Variants in PNN observed in about 807,000 individuals in gnomAD.
PNN encodes pinin, desmosome associated protein.
A neutral mutation model predicts 76.6 loss-of-function variants in PNN; 38 were observed. The ratio of observed to expected loss-of-function variants is 0.50; its 90% CI spans 0.38 to 0.65. PNN has a LOEUF of 0.65. Among genes scored for constraint, PNN ranks in the 30% least tolerant of loss-of-function variants. The pLI is 0.00. For synonymous variants in PNN, 366 were observed against 283.7 expected, an observed-to-expected ratio of 1.29 and a Z score of -2.91; for missense variants, 873 against 874.1, an observed-to-expected ratio of 1.00 and a Z score of 0.02.
rs1253061092 is a variant in PNN at position 39,180,813 on chromosome 14, G to A, written c.1104G>A (p.Glu368=). 1.9e-6 allele frequency: 3 copies of A among 1,613,570 alleles called. No homozygotes were observed. Among genetic ancestry groups the A allele is most frequent in the Non-Finnish European group, 2.5e-6 (3 of 1,179,788 alleles). Residue 368 remains glutamate (E), a synonymous_variant, in exon 9 of 9, where the codon GAG becomes GAA. Coordinates refer to ENST00000216832, the MANE Select transcript of PNN (RefSeq NM_002687.4). The stretch of plus-strand genomic sequence containing the variant: ...AGGAAATGGAGGTTAAGATGGAGGA[G>A]GAAACTGAGGTAAGGGAAAGTGAGA... ...QKQEMEVKME[E]ETEVRESEKQ...
At chr14:39,179,019 C>A in intron 6 of PNN, 72 bp from the exon 7 acceptor site, 1 of 1,384,756 alleles carries the variant, frequency 7.2e-7, no homozygotes, top group Non-Finnish European at 9.9e-7. Flanking sequence ...CATAATTGAA[C>A]TGAAATCATA....
At chr14:39,175,458 G>C in intron 1 of PNN, 66 bp downstream of exon 1, 1 of 1,000,972 alleles carries the variant, frequency 1.0e-6, no homozygotes, top group Non-Finnish European at 1.6e-6. Flanking sequence ...GGGGTGAATT[G>C]GGGGCGGGGA....
rs1275897533 is a variant in PNN at position 39,182,771 on chromosome 14, T to C, written c.*908T>C. 6.5e-6 allele frequency: 1 copy of C among 152,696 alleles called. No individual in the cohort carries two copies. Among genetic ancestry groups the C allele is most frequent in the Non-Finnish European group, 1.5e-5 (1 of 68,046 alleles). The allele number at this position is 152,696 out of a possible 1,614,324, so 9.5% of individuals were successfully genotyped here. ...AAGAATTTTGTTTAAGGAAGTATTG[T>C]ATGGAAGTCCACAAAATGAAGGAAG... On this transcript the variant is annotated 3_prime_UTR_variant, in exon 9 of 9. Transcript: ENST00000216832.
chr14:39,178,421 A>C (rs1267490787), intron 6 of PNN, among the ~76,000 whole-genome samples: 12 of 152,142 alleles, frequency 7.9e-5, no homozygotes, highest in Admixed American at 4.6e-4. Flanking sequence ...ATCCCCAGCT[A>C]TTTGGGAGGC....
chr14:39,181,594 A>G lies in PNN; in HGVS notation c.1885A>G (p.Ser629Gly). ...RDSSSSTSSS[S>G]ESRSRSRGRG... ...TAGTAGCAGTAGCACTAGTAGTAGTAGTGAGAGTAGAAGTCGGAGTAGGGG... is the reference window on the plus strand; with the variant it reads ...TAGTAGCAGTAGCACTAGTAGTAGTGGTGAGAGTAGAAGTCGGAGTAGGGG... Residue 629 changes from serine to glycine, a missense_variant, in exon 9 of 9, where the codon AGT becomes GGT. Ser to Gly is a moderately conservative substitution (Grantham distance 56). Around this residue, in one of 3 missense-constraint regions of PNN, gnomAD observed 712 missense variants for 693.1 expected, o/e 1.03. Coordinates refer to ENST00000216832, the MANE Select transcript of PNN (RefSeq NM_002687.4). 1 of 1,613,964 alleles carries G rather than the reference A, an allele frequency of 6.2e-7. No homozygotes were observed. The highest frequency in any genetic ancestry group is 8.5e-7 in the Non-Finnish European group (1 of 1,179,910).
In PNN at chr14:39,179,337, A is replaced by G; in HGVS notation, c.668A>G (p.Asn223Ser). 1.2e-6 allele frequency: 2 copies of G among 1,610,666 alleles called. No individual in the cohort carries two copies. Among genetic ancestry groups the G allele is most frequent in the Non-Finnish European group, 1.7e-6 (2 of 1,178,994 alleles). Residue 223 changes from asparagine to serine, a missense_variant, in exon 8 of 9, where the codon AAT becomes AGT. Asn to Ser is a conservative substitution (Grantham distance 46). Around this residue, in one of 3 missense-constraint regions of PNN, gnomAD observed 712 missense variants for 693.1 expected, o/e 1.03. Transcript: ENST00000216832. ...CCTTTTCTTTAGCAAGAAGAATGGA[A>G]TGAACATAATGCCAAAATAATTAAA... Reference protein sequence around the residue: ...VELAQLQEEWNEHNAKIIKYI... With the variant: ...VELAQLQEEWSEHNAKIIKYI...
Position 39,177,433 on chromosome 14 carries a change from C to T in PNN, c.276C>T (p.Thr92=), listed in dbSNP as rs1420242471. The change falls in exon 4 of 9, where the codon ACC becomes ACT. Residue 92 remains threonine, a synonymous_variant. Coordinates refer to ENST00000216832, the MANE Select transcript of PNN (RefSeq NM_002687.4). ...AVSRLGGERR[T]RRESRQESDP... ...ACAGGCTGGGCGGGGAGCGTCGGAC[C>T]AGAAGAGAATCACGCCAGGAAAGCG... 11 of 1,613,772 alleles carry T rather than the reference C, an allele frequency of 6.8e-6. No homozygotes were observed. Among genetic ancestry groups the T allele is most frequent in the Non-Finnish European group, 7.6e-6 (9 of 1,179,890 alleles).
chr14:39,182,733 G>A lies in PNN; in HGVS notation c.*870G>A, dbSNP rs976050360. On this transcript the variant is annotated 3_prime_UTR_variant, in exon 9 of 9. Coordinates refer to ENST00000216832, the MANE Select transcript of PNN (RefSeq NM_002687.4). ...GTGTTGGCTCTAACTTAAACATGCT[G>A]ATATGTGTTTTCAAGAATTTTGTTT... is the stretch of plus-strand genomic sequence containing the variant. The A allele has an allele frequency of 2.0e-5, 3 of 152,630 alleles. No individual in the cohort carries two copies. The highest frequency in any genetic ancestry group is 7.2e-5 in the African/African-American group (3 of 41,460). 9.5% of individuals were successfully genotyped at this position (152,630 alleles called of 1,614,324 possible). A position where few individuals can be genotyped will look rare whatever the true frequency, so the allele number is the denominator to read the frequency against.
In PNN at chr14:39,180,846, G is replaced by T; in HGVS notation, c.1137G>T (p.Gln379His). The change falls in exon 9 of 9, where the codon CAG (glutamine) becomes CAT (histidine). Residue 379 changes from glutamine (Q) to histidine (H), a missense_variant. Physicochemically the swap from Gln to His is conservative, Grantham distance 24. Around this residue, in one of 3 missense-constraint regions of PNN, gnomAD observed 712 missense variants for 693.1 expected, o/e 1.03. Transcript: ENST00000216832. ...AGGTAAGGGAAAGTGAGAAGCAGCA[G>T]GATAGTCAGCCTGAAGAAGTTATGG... ...ETEVRESEKQ[Q>H]DSQPEEVMDV... 1 of 1,614,134 alleles carries T rather than the reference G, an allele frequency of 6.2e-7. No individual in the cohort carries two copies. The highest frequency in any genetic ancestry group is 8.5e-7 in the Non-Finnish European group (1 of 1,180,018).
chr14:39,181,113 C>T lies in PNN; in HGVS notation c.1404C>T (p.Pro468=), dbSNP rs1041128787. The T allele has an allele frequency of 1.2e-6, 2 of 1,612,938 alleles. No homozygotes were observed. The highest frequency in any genetic ancestry group is 1.1e-5 in the South Asian group (1 of 91,006). ...SEEKEEKESE[P]QPEPVAQPQP... is the part of the protein sequence containing the mutation. ...AAAAAGAAGAAAAAGAATCTGAGCCCCAACCTGAGCCTGTGGCTCAACCTC... is the reference window on the plus strand; with the variant it reads ...AAAAAGAAGAAAAAGAATCTGAGCCTCAACCTGAGCCTGTGGCTCAACCTC... The change falls in exon 9 of 9, where the codon CCC becomes CCT. Residue 468 remains proline (P), a synonymous_variant. Coordinates refer to ENST00000216832, the MANE Select transcript of PNN (RefSeq NM_002687.4).
intron 8 of PNN, among the ~76,000 whole-genome samples, chr14:39,179,807 C>T (rs1374350046): frequency 6.6e-6 from 1 of 151,120 alleles, no homozygotes; most frequent in Non-Finnish European, 1.5e-5. Context: ...CAGGCTGAGG[C>T]AGGAGAATCA....
Position 39,181,123 on chromosome 14 carries a change from C to G in PNN, c.1414C>G (p.Pro472Ala). The G allele has an allele frequency of 1.2e-6, 2 of 1,610,574 alleles. No individual in the cohort carries two copies. The highest frequency in any genetic ancestry group is 1.7e-6 in the Non-Finnish European group (2 of 1,176,840). The part of the protein sequence containing the change: ...EEKESEPQPE[P>A]VAQPQPQSQP... ...AAAAGAATCTGAGCCCCAACCTGAG[C>G]CTGTGGCTCAACCTCAGCCTCAGTC... The change falls in exon 9 of 9, where the codon CCT becomes GCT. Residue 472 changes from proline to alanine, a missense_variant. Physicochemically the swap from Pro to Ala is conservative, Grantham distance 27. This residue lies in a region of PNN where 712 missense variants were observed against 693.1 expected (regional missense o/e 1.03). Coordinates refer to ENST00000216832, the MANE Select transcript of PNN (RefSeq NM_002687.4).
At chr14:39,180,074 G>A (rs892967479) in intron 8 of PNN, among the ~76,000 whole-genome samples, 1 of 152,062 alleles carries the variant, frequency 6.6e-6, no homozygotes, top group Non-Finnish European at 1.5e-5. Flanking sequence ...CTGATAAAAT[G>A]CTAATAAGAC....
chr14:39,177,264 T>A, intron 3 of PNN, 148 bp from the exon 4 acceptor site: 1 of 625,678 alleles, frequency 1.6e-6, no homozygotes, highest in South Asian at 1.9e-5. Context: ...CTCACGCCTG[T>A]AGTCCCAGCT....
chr14:39,176,120 A>AG lies in PNN; in HGVS notation c.158dup (p.Arg54Ter), dbSNP rs1240340735. The AG allele has an allele frequency of 6.2e-7, 1 of 1,608,044 alleles. No individual in the cohort carries two copies. Among genetic ancestry groups the AG allele is most frequent in the African/African-American group, 1.3e-5 (1 of 74,790 alleles). ...TGCTGGCCCTTTCTGGTCCTGGTGG[A>AG]GGTAGAGGACGTGGTAGTTTATTAC... On this transcript the variant is annotated frameshift_variant, in exon 2 of 9. Transcript: ENST00000216832. LOFTEE classifies it high-confidence loss of function.
chr14:39,179,572 G>T, intron 8 of PNN, 110 bp downstream of exon 8: 1 of 963,680 alleles, frequency 1.0e-6, no homozygotes, highest in Non-Finnish European at 1.5e-6. Flanking sequence ...GGTTTGCTGT[G>T]TTTGCTTTTT....
Position 39,176,135 on chromosome 14 carries a change from T to G in PNN, c.171T>G (p.Gly57=). ...LSGPGGGRGR[G]SLLLRRGFSD... is the part of the protein sequence containing the mutation. Reference sequence around the variant, plus strand: ...GTCCTGGTGGAGGTAGAGGACGTGGTAGTTTATTACTGAGGTAAGATTTCC... The same window carrying G: ...GTCCTGGTGGAGGTAGAGGACGTGGGAGTTTATTACTGAGGTAAGATTTCC... Residue 57 remains glycine, a synonymous_variant, in exon 2 of 9, where the codon GGT becomes GGG. Transcript: ENST00000216832. 1 of 1,596,900 alleles carries G rather than the reference T, an allele frequency of 6.3e-7. No individual in the cohort carries two copies. The highest frequency in any genetic ancestry group is 1.1e-5 in the South Asian group (1 of 90,720).
intron 6 of PNN, 136 bp downstream of exon 6, chr14:39,178,052 T>C (rs527905085): frequency 7.5e-6 from 5 of 668,894 alleles, no homozygotes; most frequent in African/African-American, 5.4e-5. Flanking sequence ...AAAACTTGGT[T>C]TAACTTCTTA....
chr14:39,181,847 A>C lies in PNN; in HGVS notation c.2138A>C (p.Lys713Thr), dbSNP rs950430631. The C allele has an allele frequency of 3.1e-6, 5 of 1,592,466 alleles. No individual in the cohort carries two copies. Among genetic ancestry groups the C allele is most frequent in the African/African-American group, 2.7e-5 (2 of 73,526 alleles). Residue 713 changes from lysine to threonine, a missense_variant, in exon 9 of 9, where the codon AAA becomes ACA. Lys to Thr is a moderately conservative substitution (Grantham distance 78). Around this residue, in one of 3 missense-constraint regions of PNN, gnomAD observed 712 missense variants for 693.1 expected, o/e 1.03. Transcript: ENST00000216832. ...RSERDRKSDRKDKRR is the reference protein window; with the variant it reads ...RSERDRKSDRTDKRR ...GAAAGAGACCGAAAATCAGACAGGA[A>C]AGACAAAAGGCGTTAATGGAAGAAG...
Sources: allele counts gnomAD v4.1 joint callset (sites outside exome capture counted in the v4.1 genomes callset), GRCh38; gene constraint gnomAD v4.1.1; regional missense constraint gnomAD v4.1.1; transcripts MANE v1.5; gene names NCBI Gene and HGNC (gene_info 2026-07-23, HGNC 2026-07-21).